BCL2L13: variants seen among roughly 807,000 people sequenced by gnomAD.
BCL2L13 encodes BCL2 like 13.
Under a neutral mutation model 25.8 loss-of-function variants are expected in BCL2L13, and 13 were observed. That is an observed-to-expected ratio of 0.50 (90% CI 0.33 to 0.80). The LOEUF (loss-of-function observed/expected upper bound fraction) is 0.80, where lower values mean the gene tolerates loss of function less well. BCL2L13 is among the 30% of genes least tolerant of loss of function. The pLI, the probability that BCL2L13 is intolerant of heterozygous loss-of-function variation, is 0.02. For synonymous variants in BCL2L13, 244 were observed against 230.3 expected, an observed-to-expected ratio of 1.06 and a Z score of -0.54; for missense variants, 504 against 574.9, an observed-to-expected ratio of 0.88 and a Z score of 1.26.
intron 6 of BCL2L13, among the ~76,000 whole-genome samples, chr22:17,715,844 A>T (rs1001944828): frequency 6.6e-6 from 1 of 152,204 alleles, no homozygotes; most frequent in Non-Finnish European, 1.5e-5. Context: ...TGGACAACAA[A>T]GACACAGGTA....
chr22:17,659,312 C>T (rs1392455287), intron 2 of BCL2L13, among the ~76,000 whole-genome samples: 2 of 145,498 alleles, frequency 1.4e-5, no homozygotes, highest in African/African-American at 2.4e-5. Context: ...TGCAGTGAGC[C>T]GAGATTGTGC....
chr22:17,719,487 C>G (rs2145808282), intron 6 of BCL2L13, among the ~76,000 whole-genome samples: 1 of 152,202 alleles, frequency 6.6e-6, no homozygotes, highest in South Asian at 2.1e-4. Context: ...CAACACTATT[C>G]TAAAGAGTAG....
At chr22:17,703,120 A>G (rs1011918987) in intron 6 of BCL2L13, 1 of 152,228 alleles carries the variant, frequency 6.6e-6, no homozygotes, top group Non-Finnish European at 1.5e-5. Context: ...GCACCACTGC[A>G]TTCCAGCCTG....
intron 6 of BCL2L13, among the ~76,000 whole-genome samples, chr22:17,711,898 A>G (rs925422912): frequency 2.0e-5 from 3 of 152,300 alleles, no homozygotes; most frequent in East Asian, 1.9e-4. Flanking sequence ...CAAAACTTGT[A>G]TAGTATGAAT....
rs527820734 is a variant in BCL2L13 at position 17,652,797 on chromosome 22, G to T, written c.-50-2865G>T. 5.3e-5 allele frequency among the ~76,000 whole-genome samples: 8 copies of T among 152,272 alleles called. No individual in the cohort carries two copies. In the South Asian group the frequency reaches 1.7e-3, roughly 32 times the overall value. Reference sequence around the variant, plus strand: ...AAACAGAGTGAGGCCAGGCGCGGTGGCTCAAGCCTGTAATCCCAGCACTTT... The same window carrying T: ...AAACAGAGTGAGGCCAGGCGCGGTGTCTCAAGCCTGTAATCCCAGCACTTT... On this transcript the variant is annotated intron_variant, in intron 1 of 6. Coordinates refer to ENST00000317582, the MANE Select transcript of BCL2L13 (RefSeq NM_015367.4).
At chr22:17,644,420 T>G (rs999936666) in intron 1 of BCL2L13, among the ~76,000 whole-genome samples, 1 of 150,396 alleles carries the variant, frequency 6.6e-6, no homozygotes, top group African/African-American at 2.5e-5. Flanking sequence ...AATCTTTGCC[T>G]CCTGGGTTCA....
rs571938787 is a variant in BCL2L13 at position 17,661,284 on chromosome 22, G to C, written c.121+5452G>C. Among the ~76,000 whole-genome samples the C allele has an allele frequency of 2.5e-4, 36 of 145,458 alleles. 6 individuals carry two copies. Among genetic ancestry groups the C allele is most frequent in the Non-Finnish European group, 4.5e-4 (29 of 63,928 alleles). On this transcript the variant is annotated intron_variant, in intron 2 of 6. Transcript: ENST00000317582. The stretch of plus-strand genomic sequence containing the variant: ...ATTTTTGTATTTTTAGTAGAGACAG[G>C]GTTTCACTGTCTTGGCCAGGCTGGT...
chr22:17,705,913 A>G (rs931120531), intron 6 of BCL2L13, among the ~76,000 whole-genome samples: 3 of 152,236 alleles, frequency 2.0e-5, no homozygotes, highest in Non-Finnish European at 4.4e-5. Flanking sequence ...AATCTGTTGG[A>G]TGAATGGAGT....
At chr22:17,699,308 TATC>T (rs1362631988) in intron 5 of BCL2L13, among the ~76,000 whole-genome samples, 1 of 152,212 alleles carries the variant, frequency 6.6e-6, no homozygotes, top group Non-Finnish European at 1.5e-5. Context: ...ATGTCACTGT[TATC>T]ATAAATATTC....
At chr22:17,694,585 CA>C (rs2145661262) in intron 4 of BCL2L13, among the ~76,000 whole-genome samples, 1 of 152,064 alleles carries the variant, frequency 6.6e-6, no homozygotes, top group South Asian at 2.1e-4. Flanking sequence ...AACATGTATT[CA>C]GTACAAAAAA....
At chr22:17,684,957 G>A (rs886469304) in intron 3 of BCL2L13, among the ~76,000 whole-genome samples, 9 of 151,812 alleles carry the variant, frequency 5.9e-5, no homozygotes, top group Non-Finnish European at 1.2e-4. Flanking sequence ...TGGTCTCGTT[G>A]ATCTCCTGAC....
chr22:17,678,125 TG>T (rs2059628226), intron 2 of BCL2L13, among the ~76,000 whole-genome samples: 1 of 152,096 alleles, frequency 6.6e-6, no homozygotes, highest in Non-Finnish European at 1.5e-5. Flanking sequence ...CAGGCTCAAG[TG>T]ATCTTCACAC....
At chr22:17,705,217 G>A (rs2060555253) in intron 6 of BCL2L13, among the ~76,000 whole-genome samples, 1 of 151,902 alleles carries the variant, frequency 6.6e-6, no homozygotes. Context: ...AAGTTTCAGT[G>A]AGCTGAGATC....
intron 6 of BCL2L13, chr22:17,703,746 T>G (rs1196923217): frequency 6.6e-6 from 1 of 152,240 alleles, no homozygotes; most frequent in Non-Finnish European, 1.5e-5. Context: ...TAAAAATATT[T>G]TTTGAGCTGT....
At chr22:17,721,149 G>A (rs1274821521) in intron 6 of BCL2L13, among the ~76,000 whole-genome samples, 1 of 147,960 alleles carries the variant, frequency 6.8e-6, no homozygotes, top group Non-Finnish European at 1.5e-5. Context: ...CAGCCTGGGG[G>A]ACAGGGCGAG....
At chr22:17,695,459 C>A (rs1379579816) in intron 4 of BCL2L13, among the ~76,000 whole-genome samples, 1 of 152,028 alleles carries the variant, frequency 6.6e-6, no homozygotes, top group Non-Finnish European at 1.5e-5. Flanking sequence ...GTTGCTGGGA[C>A]TACAGGCACA....
At chr22:17,685,003 G>A (rs978281803) in intron 3 of BCL2L13, among the ~76,000 whole-genome samples, 1 of 152,080 alleles carries the variant, frequency 6.6e-6, no homozygotes, top group Non-Finnish European at 1.5e-5. Context: ...CCAAAGTGCT[G>A]GGATTACAGG....
intron 2 of BCL2L13, among the ~76,000 whole-genome samples, chr22:17,666,313 T>C (rs1322052071): frequency 6.6e-6 from 1 of 152,178 alleles, no homozygotes. Context: ...AAACACATCA[T>C]AGGGAATGGG....
chr22:17,679,655 CAAGA>C (rs895203558), intron 2 of BCL2L13, among the ~76,000 whole-genome samples: 1 of 151,914 alleles, frequency 6.6e-6, no homozygotes, highest in African/African-American at 2.4e-5. Context: ...AAAAATTATT[CAAGA>C]AAGAATATTT....
Sources: gnomAD v4.1 joint callset for allele counts (sites outside exome capture counted in the v4.1 genomes callset) on GRCh38, gnomAD v4.1.1 for gene constraint, MANE v1.5 for transcripts, NCBI Gene and HGNC (gene_info 2026-07-23, HGNC 2026-07-21) for gene names.